Variants in BTBD8 observed in about 807,000 individuals in gnomAD.
BTBD8 encodes the protein BTB domain containing 8.
A neutral mutation model predicts 162.9 loss-of-function variants in BTBD8; 110 were observed. The observed-to-expected ratio is 0.68, with a 90% CI of 0.58 to 0.79. BTBD8 has a LOEUF of 0.79. Among genes scored for constraint, BTBD8 ranks in the 30% least tolerant of loss-of-function variants. The pLI is 0.00. For synonymous variants in BTBD8, 667 were observed against 716.1 expected, an observed-to-expected ratio of 0.93 and a Z score of 1.10; for missense variants, 1,905 against 2,085.4, an observed-to-expected ratio of 0.91 and a Z score of 1.68.
intron 1 of BTBD8, among the ~76,000 whole-genome samples, chr1:92,081,789 G>C (rs541213434): frequency 1.8e-4 from 27 of 152,302 alleles, no homozygotes; most frequent in African/African-American, 6.0e-4. Flanking sequence ...GGCCAGGCTA[G>C]TCACGAACTC....
At chr1:92,085,614 C>A (rs1648137080) in intron 1 of BTBD8, among the ~76,000 whole-genome samples, 1 of 152,054 alleles carries the variant, frequency 6.6e-6, no homozygotes, top group South Asian at 2.1e-4. Flanking sequence ...CCTGTACTCC[C>A]AGCTACTCAG....
rs546300914 is a variant in BTBD8, at chr1:92,178,464, T to C, written c.2581+13T>C. The C allele has an allele frequency of 4.0e-5, 61 of 1,534,078 alleles. No individual in the cohort carries two copies. In the South Asian group the frequency reaches 7.4e-4, roughly 19 times the overall value. On this transcript the variant is annotated intron_variant, in intron 16 of 17. Coordinates refer to ENST00000636805, the MANE Select transcript of BTBD8 (RefSeq NM_001376131.1). ...ACTAAAACTCAAGGTAAAGCTGAAATAGTACTGGATATCTTGAAATTATTT... is the reference window on the plus strand; with the variant it reads ...ACTAAAACTCAAGGTAAAGCTGAAACAGTACTGGATATCTTGAAATTATTT...
chr1:92,110,454 C>G (rs1648857518), intron 4 of BTBD8, among the ~76,000 whole-genome samples: 1 of 152,188 alleles, frequency 6.6e-6, no homozygotes, highest in Non-Finnish European at 1.5e-5. Context: ...GGCTTACTAC[C>G]TGATTAGCCT....
chr1:92,109,568 A>G (rs1648834359), intron 4 of BTBD8, among the ~76,000 whole-genome samples: 1 of 152,210 alleles, frequency 6.6e-6, no homozygotes, highest in Non-Finnish European at 1.5e-5. Context: ...ACCTAGCAGT[A>G]AAAAAGAAAT....
intron 9 of BTBD8, among the ~76,000 whole-genome samples, chr1:92,148,783 G>A (rs2100640317): frequency 6.6e-6 from 1 of 152,268 alleles, no homozygotes; most frequent in South Asian, 2.1e-4. Context: ...CTGTTGAACT[G>A]GAAGTTGAGA....
At chr1:92,168,125 A>G (rs1039871911) in intron 11 of BTBD8, 140 bp downstream of exon 11, 3 of 576,708 alleles carry the variant, frequency 5.2e-6, no homozygotes, top group Non-Finnish European at 8.0e-6. Flanking sequence ...CTACTTTTGT[A>G]TATGTTTGGA....
intron 9 of BTBD8, 132 bp downstream of exon 9, chr1:92,147,918 A>C: frequency 1.4e-6 from 1 of 728,952 alleles, no homozygotes; most frequent in Non-Finnish European, 2.2e-6. Context: ...AATTCAGATA[A>C]CCTAATCCTA....
At chr1:92,123,846 C>G (rs934852684) in intron 4 of BTBD8, among the ~76,000 whole-genome samples, 1 of 149,732 alleles carries the variant, frequency 6.7e-6, no homozygotes, top group Non-Finnish European at 1.5e-5. Flanking sequence ...TTAATGCAGA[C>G]AGGATTTCCT....
chr1:92,127,215 A>T (rs766941384), intron 4 of BTBD8, among the ~76,000 whole-genome samples: 5 of 152,216 alleles, frequency 3.3e-5, no homozygotes, highest in Non-Finnish European at 5.9e-5. Context: ...ATTTAACTAC[A>T]TCTGCCTCTG....
At chr1:92,165,957 A>C (rs756393809) in intron 9 of BTBD8, among the ~76,000 whole-genome samples, 2 of 152,224 alleles carry the variant, frequency 1.3e-5, no homozygotes. Context: ...TCAAGTAACT[A>C]ATTAATAAAT....
At position 92,184,142 on chromosome 1, in the gene BTBD8, C is replaced by T. The variant is rs1318207855; in HGVS notation, c.5191C>T (p.Gln1731Ter). 6.4e-7 allele frequency: 1 copy of T among 1,551,612 alleles called. No homozygotes were observed. Among genetic ancestry groups the T allele is most frequent in the Non-Finnish European group, 8.7e-7 (1 of 1,146,858 alleles). ...AAGTTTAGCACAGTATCTAATCAAT[C>T]AGACACTACTTTTAGCACGAGATAG... is the stretch of plus-strand genomic sequence containing the variant. ...DLSLAQYLIN[Q>*]TLLLARDSSK... The change falls in exon 18 of 18, where the codon CAG becomes TAG. Residue 1731 changes from glutamine to a stop codon, truncating the protein, a stop_gained. Transcript: ENST00000636805. LOFTEE classifies it high-confidence loss of function.
chr1:92,093,281 C>T (rs574774979), intron 2 of BTBD8, among the ~76,000 whole-genome samples: 1 of 151,238 alleles, frequency 6.6e-6, no homozygotes, highest in African/African-American at 2.4e-5. Flanking sequence ...CAACCTTCAC[C>T]TCCCAGGTTC....
intron 2 of BTBD8, among the ~76,000 whole-genome samples, chr1:92,091,968 G>A (rs1648314295): frequency 6.6e-6 from 1 of 152,006 alleles, no homozygotes. Flanking sequence ...CCATTGCTGT[G>A]GACTGCAATT....
intron 4 of BTBD8, chr1:92,115,687 AG>A (rs1289957039): frequency 6.3e-6 from 2 of 316,746 alleles, no homozygotes; most frequent in Non-Finnish European, 1.2e-5. Context: ...CATGTAGTTG[AG>A]GTCAGTGAAG....
intron 1 of BTBD8, among the ~76,000 whole-genome samples, chr1:92,088,454 A>C (rs1314776850): frequency 6.6e-6 from 1 of 152,190 alleles, no homozygotes; most frequent in Non-Finnish European, 1.5e-5. Context: ...ATATTTTGAA[A>C]CAGTAGTCTT....
rs1020752132 is a variant in BTBD8 at position 92,080,534 on chromosome 1, A to G, written c.-38A>G. Reference sequence around the variant, plus strand: ...CCTCCTGGGCGGGGCAAGTGAGGCCAAGTACTGGGCCTCCAGGGCGTCGTA... The same window carrying G: ...CCTCCTGGGCGGGGCAAGTGAGGCCGAGTACTGGGCCTCCAGGGCGTCGTA... On this transcript the variant is annotated 5_prime_UTR_variant, in exon 1 of 18. Coordinates refer to ENST00000636805, the MANE Select transcript of BTBD8 (RefSeq NM_001376131.1). 4.4e-6 allele frequency: 7 copies of G among 1,607,398 alleles called. No individual in the cohort carries two copies. In the African/African-American group the frequency reaches 9.4e-5, roughly 22 times the overall value.
Position 92,180,423 on chromosome 1 carries a change from GC to G in BTBD8, c.2741del (p.Ala914GlufsTer3). The G allele has an allele frequency of 6.4e-7, 1 of 1,551,342 alleles. No homozygotes were observed. Among genetic ancestry groups the G allele is most frequent in the Non-Finnish European group, 8.7e-7 (1 of 1,146,910 alleles). ...ACACACAGCTTTGCCTAAGGTTAAT[GC>G]AAAAATAGTGGCAATGCCTAAAAAT... The part of the protein sequence containing the change: ...QVHTALPKVN[A>X]KIVAMPKNLN... On this transcript the variant is annotated frameshift_variant, in exon 17 of 18. Transcript: ENST00000636805. LOFTEE classifies it high-confidence loss of function.
At chr1:92,174,789 A>T (rs1650659415) in intron 13 of BTBD8, among the ~76,000 whole-genome samples, 1 of 152,126 alleles carries the variant, frequency 6.6e-6, no homozygotes, top group Non-Finnish European at 1.5e-5. Context: ...TAATTTCTGA[A>T]ATGTCCCAGG....
chr1:92,149,913 T>C (rs967062949), intron 9 of BTBD8, among the ~76,000 whole-genome samples: 2 of 152,166 alleles, frequency 1.3e-5, no homozygotes, highest in South Asian at 2.1e-4. Context: ...CTGATTCTCT[T>C]GGTGTCAGTT....
Sources: allele counts gnomAD v4.1 joint callset (sites outside exome capture counted in the v4.1 genomes callset), GRCh38; gene constraint gnomAD v4.1.1; transcripts MANE v1.5; gene names NCBI Gene and HGNC (gene_info 2026-07-23, HGNC 2026-07-21).